Variants in MARCO observed in about 807,000 individuals in gnomAD.
The protein encoded by MARCO is macrophage receptor with collagenous structure.
In MARCO, 72 loss-of-function variants were observed where a neutral mutation model predicts 70.0. That is an observed-to-expected ratio of 1.03 (90% CI 0.85 to 1.25). The LOEUF (loss-of-function observed/expected upper bound fraction) is 1.25, where lower values mean the gene tolerates loss of function less well. MARCO is among the 50% of genes most tolerant of loss of function. The pLI is 0.00. For missense variants in MARCO, 696 were observed against 659.3 expected, an observed-to-expected ratio of 1.06 and a Z score of -0.61; for synonymous variants, 273 against 243.1, an observed-to-expected ratio of 1.12 and a Z score of -1.14.
intron 1 of MARCO, among the ~76,000 whole-genome samples, chr2:118,951,426 G>A (rs148362024): frequency 6.6e-6 from 1 of 152,326 alleles, no homozygotes; most frequent in Non-Finnish European, 1.5e-5. Flanking sequence ...TTTAGCTTTT[G>A]GGTTTTGTTG....
At chr2:118,973,505 C>T (rs34524703) in intron 4 of MARCO, among the ~76,000 whole-genome samples, 1 of 152,206 alleles carries the variant, frequency 6.6e-6, no homozygotes, top group Non-Finnish European at 1.5e-5. Context: ...CGGACACCAC[C>T]TGCCTCTCCA....
At chr2:118,943,059 G>A (rs767158587) in intron 1 of MARCO, among the ~76,000 whole-genome samples, 3 of 152,170 alleles carry the variant, frequency 2.0e-5, no homozygotes, top group Non-Finnish European at 4.4e-5. Context: ...TTCCACAAAT[G>A]AGCTCTGATT....
chr2:118,956,037 G>A (rs1294208911), intron 1 of MARCO, among the ~76,000 whole-genome samples: 1 of 151,912 alleles, frequency 6.6e-6, no homozygotes, highest in African/African-American at 2.4e-5. Context: ...TATCACACAG[G>A]ACCTATAAAA....
intron 1 of MARCO, among the ~76,000 whole-genome samples, chr2:118,961,602 A>C (rs754464637): frequency 3.9e-5 from 6 of 152,086 alleles, no homozygotes; most frequent in Non-Finnish European, 8.8e-5. Context: ...AGTTCCTTGC[A>C]GATTCTGAAT....
At chr2:118,988,158 C>A (rs574016324) in intron 12 of MARCO, among the ~76,000 whole-genome samples, 2 of 152,012 alleles carry the variant, frequency 1.3e-5, no homozygotes, top group Admixed American at 6.6e-5. Flanking sequence ...CAGTGCCTGG[C>A]GTGATGCAGG....
In MARCO at chr2:118,977,908, G is replaced by T; in HGVS notation, c.739G>T (p.Gly247Ter). ...IGPKGETGTK[G>*]EKGDLGLPGS... ...CCCAAAAGGGGAAACTGGAACTAAG[G>T]GAGAGAAAGGAGACCTGGGTCTCCC... Residue 247 changes from glycine (G) to a stop codon, truncating the protein, a stop_gained, in exon 8 of 17, where the codon GGA becomes TGA. Transcript: ENST00000327097. LOFTEE classifies it high-confidence loss of function. The T allele has an allele frequency of 6.2e-7, 1 of 1,609,850 alleles. No individual in the cohort carries two copies. Among genetic ancestry groups the T allele is most frequent in the Non-Finnish European group, 8.5e-7 (1 of 1,178,114 alleles).
chr2:118,978,544 G>C (rs1680330808), intron 8 of MARCO, among the ~76,000 whole-genome samples: 2 of 152,218 alleles, frequency 1.3e-5, no homozygotes, highest in South Asian at 4.1e-4. Context: ...TGCAGTCATT[G>C]GGGAGGCTCT....
intron 6 of MARCO, 55 bp from the exon 7 acceptor site, chr2:118,977,416 A>G: frequency 4.3e-6 from 6 of 1,402,260 alleles, no homozygotes; most frequent in South Asian, 3.5e-5. Context: ...CTGATTAAAG[A>G]CATTTTAGAC....
intron 1 of MARCO, among the ~76,000 whole-genome samples, chr2:118,968,534 C>A (rs1033119102): frequency 1.3e-5 from 2 of 152,006 alleles, no homozygotes; most frequent in African/African-American, 4.8e-5. Flanking sequence ...AAGACCACAC[C>A]CCAGAGTGCT....
At chr2:118,961,167 CTTTGTTA>C (rs1176537643) in intron 1 of MARCO, among the ~76,000 whole-genome samples, 11 of 152,048 alleles carry the variant, frequency 7.2e-5, no homozygotes. Flanking sequence ...GATTCCATGT[CTTTGTTA>C]TTGTGAAGAG....
intron 12 of MARCO, among the ~76,000 whole-genome samples, chr2:118,984,518 G>C (rs1248224006): frequency 6.6e-6 from 1 of 152,190 alleles, no homozygotes; most frequent in Non-Finnish European, 1.5e-5. Context: ...TCAATTTGGG[G>C]CTTGTGATAA....
At chr2:118,961,135 A>T (rs1021929147) in intron 1 of MARCO, among the ~76,000 whole-genome samples, 1 of 152,150 alleles carries the variant, frequency 6.6e-6, no homozygotes, top group African/African-American at 2.4e-5. Context: ...TATCCAGTCT[A>T]TCATTGATGG....
At chr2:118,967,656 C>T (rs952729585) in intron 1 of MARCO, among the ~76,000 whole-genome samples, 1 of 152,122 alleles carries the variant, frequency 6.6e-6, no homozygotes, top group African/African-American at 2.4e-5. Context: ...GCCAGAGCTA[C>T]CCCTAGACCA....
chr2:118,955,133 G>A (rs1342628833), intron 1 of MARCO, among the ~76,000 whole-genome samples: 1 of 152,022 alleles, frequency 6.6e-6, no homozygotes, highest in East Asian at 1.9e-4. Flanking sequence ...AAATTCAGGA[G>A]GTTAGTTATT....
At chr2:118,981,566 C>A (rs1375985033) in intron 9 of MARCO, 55 bp from the exon 10 acceptor site, 25 of 1,298,820 alleles carry the variant, frequency 1.9e-5, no homozygotes, top group South Asian at 2.9e-5. Flanking sequence ...TTTTTTTTTT[C>A]TGGCTGGCTG....
chr2:118,960,412 T>G (rs1679920358), intron 1 of MARCO, among the ~76,000 whole-genome samples: 1 of 152,102 alleles, frequency 6.6e-6, no homozygotes, highest in Admixed American at 6.6e-5. Context: ...TAGATGCAGT[T>G]TTTTAAGTTG....
chr2:118,974,950 C>A (rs1039861520), intron 6 of MARCO, among the ~76,000 whole-genome samples: 2 of 152,160 alleles, frequency 1.3e-5, no homozygotes, highest in African/African-American at 4.8e-5. Flanking sequence ...GCTCTGTGCC[C>A]TTGGGAATGT....
At chr2:118,992,855 C>T (rs1413035930) in intron 15 of MARCO, among the ~76,000 whole-genome samples, 1 of 151,602 alleles carries the variant, frequency 6.6e-6, no homozygotes, top group Non-Finnish European at 1.5e-5. Flanking sequence ...CTCCACAACA[C>T]ATGACAAGAC....
chr2:118,974,620 C>G (rs533278502), intron 6 of MARCO, 55 bp downstream of exon 6: 1 of 1,531,058 alleles, frequency 6.5e-7, no homozygotes, highest in Admixed American at 1.8e-5. Context: ...CTCAGAGTGA[C>G]TGCTGTGGGC....
Sources: allele counts gnomAD v4.1 joint callset (sites outside exome capture counted in the v4.1 genomes callset), GRCh38; gene constraint gnomAD v4.1.1; transcripts MANE v1.5; gene names NCBI Gene and HGNC (gene_info 2026-07-23, HGNC 2026-07-21).